RIMS4: variants seen among roughly 807,000 people sequenced by gnomAD.
RIMS4 encodes regulating synaptic membrane exocytosis protein 4.
RIMS4 carries 9 observed loss-of-function variants against 29.0 expected under a neutral mutation model. The observed-to-expected ratio is 0.31, with a 90% CI of 0.19 to 0.54. RIMS4 has a LOEUF of 0.54. RIMS4 is among the 20% of genes least tolerant of loss of function. The probability of loss-of-function intolerance (pLI) is 0.94; values close to 1 mark genes in which losing one functional copy is unlikely to be tolerated. For synonymous variants in RIMS4, 130 were observed against 152.9 expected, an observed-to-expected ratio of 0.85 and a Z score of 1.10; for missense variants, 193 against 365.7, an observed-to-expected ratio of 0.53 and a Z score of 3.85.
chr20:44,806,367 T>G, intron 1 of RIMS4, among the ~76,000 whole-genome samples: 1 of 152,128 alleles, frequency 6.6e-6, no homozygotes, highest in East Asian at 1.9e-4. Flanking sequence ...GCTGGGACTG[T>G]AGATGTGATT....
At chr20:44,783,217 G>A (rs941723954) in intron 1 of RIMS4, among the ~76,000 whole-genome samples, 1 of 152,240 alleles carries the variant, frequency 6.6e-6, no homozygotes, top group Non-Finnish European at 1.5e-5. Flanking sequence ...AATGTTCACA[G>A]TAGCATTAAC....
At chr20:44,773,914 A>G (rs570525498) in intron 1 of RIMS4, among the ~76,000 whole-genome samples, 8 of 152,168 alleles carry the variant, frequency 5.3e-5, no homozygotes, top group Non-Finnish European at 1.2e-4. Flanking sequence ...GCGGGCACAA[A>G]GTAGGTGCCA....
chr20:44,798,230 A>G (rs1568906559), intron 1 of RIMS4, among the ~76,000 whole-genome samples: 1 of 152,252 alleles, frequency 6.6e-6, no homozygotes, highest in East Asian at 1.9e-4. Flanking sequence ...CCCACAAAGA[A>G]GCATGAGATA....
At position 44,757,021 on chromosome 20, in the gene RIMS4, G is replaced by C. The variant is rs1458227270; in HGVS notation, c.468C>G (p.Ala156=). 6.2e-7 allele frequency: 1 copy of C among 1,613,950 alleles called. No homozygotes were observed. Among genetic ancestry groups the C allele is most frequent in the Non-Finnish European group, 8.5e-7 (1 of 1,179,906 alleles). The change falls in exon 5 of 6, where the codon GCC becomes GCG. Residue 156 remains alanine, a synonymous_variant. Transcript: ENST00000372851. ...SKTLPAAYIK[A]YLLENGICIA... is the part of the protein sequence containing the mutation. ...TGCAGATGCCATTCTCTAGCAGGTA[G>C]GCCTTGATGTAGGCCGCTGGGGATA...
At chr20:44,764,255 C>CATCCA (rs1325046131) in intron 2 of RIMS4, among the ~76,000 whole-genome samples, 134 of 144,030 alleles carry the variant, frequency 9.3e-4, no homozygotes, top group Middle Eastern at 3.6e-3. Flanking sequence ...TCCATCCATC[C>CATCCA]TCCCACAAAC....
In RIMS4 at chr20:44,810,208, G is replaced by A; in HGVS notation, c.64C>T (p.Pro22Ser). ...ASFEALAIYF[P>S]CMNSFDDEDA... ...TCGTCGTCGAAGGAGTTCATGCACG[G>A]GAAGTAGATGGCGAGCGCCTCGAAG... Residue 22 changes from proline (P) to serine (S), a missense_variant, in exon 1 of 6, where the codon CCG (proline) becomes TCG (serine). Transcript: ENST00000372851. 1 of 1,588,556 alleles carries A rather than the reference G, an allele frequency of 6.3e-7. No individual in the cohort carries two copies. Among genetic ancestry groups the A allele is most frequent in the Non-Finnish European group, 8.6e-7 (1 of 1,165,914 alleles).
At position 44,810,508 on chromosome 20, in the gene RIMS4, G is replaced by A. The variant is rs903720867; in HGVS notation, c.-237C>T. Among the ~76,000 whole-genome samples, 1 of 141,294 alleles carries A rather than the reference G, an allele frequency of 7.1e-6. No homozygotes were observed. Among genetic ancestry groups the A allele is most frequent in the Non-Finnish European group, 1.6e-5 (1 of 64,008 alleles). The allele number at this position is 141,294 out of a possible 152,430, so 92.7% of individuals were successfully genotyped here. On this transcript the variant is annotated 5_prime_UTR_variant, in exon 1 of 6. Transcript: ENST00000372851. ...CTGTGCTGCTGGCGGCGGCGGCGGC[G>A]GCGGCGGTGGCGGCGGCGGTGGCGG...
At chr20:44,804,157 G>T (rs1012835064) in intron 1 of RIMS4, among the ~76,000 whole-genome samples, 1 of 152,174 alleles carries the variant, frequency 6.6e-6, no homozygotes, top group African/African-American at 2.4e-5. Flanking sequence ...TGCAAAATGG[G>T]TACATCTGCA....
chr20:44,777,700 C>T (rs1266072876), intron 1 of RIMS4, among the ~76,000 whole-genome samples: 1 of 152,172 alleles, frequency 6.6e-6, no homozygotes, highest in African/African-American at 2.4e-5. Context: ...CCCACTTTGA[C>T]ATTTTATTGA....
intron 1 of RIMS4, among the ~76,000 whole-genome samples, chr20:44,778,279 T>C (rs920526177): frequency 1.3e-5 from 2 of 152,234 alleles, no homozygotes; most frequent in South Asian, 2.1e-4. Context: ...AAATAAGAGA[T>C]GGTTTCATCT....
chr20:44,770,514 G>T (rs2066132254), intron 2 of RIMS4, among the ~76,000 whole-genome samples: 1 of 152,194 alleles, frequency 6.6e-6, no homozygotes, highest in Admixed American at 6.5e-5. Flanking sequence ...TTCTTAAAGG[G>T]GTCTGTGAAA....
chr20:44,774,998 G>T (rs533833256), intron 1 of RIMS4, among the ~76,000 whole-genome samples: 1 of 152,064 alleles, frequency 6.6e-6, no homozygotes, highest in African/African-American at 2.4e-5. Context: ...CCATCAGGGC[G>T]GCTTACTAAA....
At position 44,756,969 on chromosome 20, in the gene RIMS4, G is replaced by A; in HGVS notation, c.520C>T (p.Arg174Cys). 6.2e-6 allele frequency: 10 copies of A among 1,614,102 alleles called. No individual in the cohort carries two copies. Among genetic ancestry groups the A allele is most frequent in the Non-Finnish European group, 7.6e-6 (9 of 1,180,002 alleles). ...CIAKKKTKVA[R>C]KSLDPLYNQV... is the part of the protein sequence containing the mutation. ...TTATACAGTGGGTCCAGCGACTTGC[G>A]AGCGACTTTGGTCTTCTTCTTGGCA... Residue 174 changes from arginine (R) to cysteine (C), a missense_variant, in exon 5 of 6, where the codon CGC becomes TGC. Coordinates refer to ENST00000372851, the MANE Select transcript of RIMS4 (RefSeq NM_182970.4). This position sits in a 1 kb window ranked among gnomAD's most constrained non-coding sequence, Gnocchi z 5.9.
chr20:44,784,500 A>ATGT (rs573472759), intron 1 of RIMS4, among the ~76,000 whole-genome samples: 47 of 152,284 alleles, frequency 3.1e-4, no homozygotes, highest in African/African-American at 9.4e-4. Context: ...GGCTGTAGTG[A>ATGT]TGTTGGCCTT....
intron 2 of RIMS4, among the ~76,000 whole-genome samples, chr20:44,763,572 T>C (rs1343418102): frequency 2.6e-5 from 4 of 152,268 alleles, no homozygotes; most frequent in Non-Finnish European, 5.9e-5. Context: ...CGTGTGCCAC[T>C]TGGACAGGCG....
intron 1 of RIMS4, among the ~76,000 whole-genome samples, chr20:44,804,124 T>G (rs923968448): frequency 7.9e-5 from 12 of 152,210 alleles, no homozygotes; most frequent in African/African-American, 2.4e-4. Context: ...TCAACTGCTC[T>G]AAGCTGCCTG....
chr20:44,757,864 T>G, intron 3 of RIMS4, 93 bp from the exon 4 acceptor site: 1 of 1,182,454 alleles, frequency 8.5e-7, no homozygotes, highest in Non-Finnish European at 1.2e-6. Context: ...TGAAACCCCC[T>G]TCCCCTGCTC....
chr20:44,773,130 C>G (rs1441904378), intron 1 of RIMS4, among the ~76,000 whole-genome samples: 1 of 152,154 alleles, frequency 6.6e-6, no homozygotes, highest in African/African-American at 2.4e-5. Flanking sequence ...TAATGCAGGT[C>G]TGAGTGTGCT....
At chr20:44,794,679 G>A (rs549358935) in intron 1 of RIMS4, among the ~76,000 whole-genome samples, 4 of 152,174 alleles carry the variant, frequency 2.6e-5, no homozygotes, top group African/African-American at 9.7e-5. Flanking sequence ...CCTTCAAACC[G>A]GCACTTCCCA....
Sources: gnomAD v4.1 joint callset for allele counts (sites outside exome capture counted in the v4.1 genomes callset) on GRCh38, gnomAD v4.1.1 for gene constraint, Gnocchi (gnomAD v3.1) non-coding constraint, MANE v1.5 for transcripts, NCBI Gene and HGNC (gene_info 2026-07-23, HGNC 2026-07-21) for gene names.